The following KCNQ5 variants were observed in gnomAD, a reference collection of about 807,000 sequenced individuals.
KCNQ5 encodes potassium voltage-gated channel subfamily KQT member 5.
A neutral mutation model predicts 98.2 loss-of-function variants in KCNQ5; 30 were observed. The ratio of observed to expected loss-of-function variants is 0.31; its 90% CI spans 0.23 to 0.41. KCNQ5 has a LOEUF of 0.41. KCNQ5 is among the 10% of genes least tolerant of loss of function. KCNQ5 has a pLI of 1.00. For missense variants in KCNQ5, 835 were observed against 1,182.5 expected (o/e 0.71, Z 4.31); for synonymous variants, 458 against 449.4 (o/e 1.02, Z -0.24).
chr6:72,724,882 G>T (rs1425360772), intron 1 of KCNQ5, among the ~76,000 whole-genome samples: 1 of 152,082 alleles, frequency 6.6e-6, no homozygotes, highest in African/African-American at 2.4e-5. Context: ...AAAATATATT[G>T]TTTAACTTAC....
chr6:73,066,472 A>G (rs1773063712), intron 3 of KCNQ5, among the ~76,000 whole-genome samples: 1 of 152,226 alleles, frequency 6.6e-6, no homozygotes. Context: ...TGCTTGGCTT[A>G]TAGTAGACAT....
intron 6 of KCNQ5, among the ~76,000 whole-genome samples, chr6:73,108,136 C>G (rs1412672959): frequency 6.6e-6 from 1 of 152,152 alleles, no homozygotes; most frequent in East Asian, 1.9e-4. Context: ...AGCAGAAGGG[C>G]CATCCTGCAC....
At chr6:73,044,599 A>G (rs1385559916) in intron 3 of KCNQ5, among the ~76,000 whole-genome samples, 1 of 152,192 alleles carries the variant, frequency 6.6e-6, no homozygotes, top group Admixed American at 6.5e-5. Context: ...AAGGAATCAA[A>G]CATCACCTTC....
rs17810318 is a variant in KCNQ5, at chr6:73,194,889, G to A, written c.2274G>A (p.Lys758=). The A allele has an allele frequency of 0.026, 42,723 of 1,614,086 alleles. 676 individuals carry two copies. The highest frequency in any genetic ancestry group is 0.039 in the South Asian group (3,511 of 91,070). The part of the protein sequence containing the change: ...LQIPPPLPAI[K]HLPRPETLHP... ...TCCCACCTCCTCTCCCAGCCATCAA[G>A]CATCTGCCCAGGCCAGAAACTCTGC... Residue 758 remains lysine (K), a synonymous_variant, in exon 14 of 14, where the codon AAG becomes AAA. Transcript: ENST00000370398.
intron 13 of KCNQ5, among the ~76,000 whole-genome samples, chr6:73,193,345 AGGCCGGGTGTGGT>A (rs1765667363): frequency 6.6e-6 from 1 of 151,624 alleles, no homozygotes; most frequent in Non-Finnish European, 1.5e-5. Context: ...AAGTAAAACA[AGGCCGGGTGTGGT>A]GGCTCATGCC....
At chr6:73,094,166 T>C (rs1403925339) in intron 5 of KCNQ5, among the ~76,000 whole-genome samples, 2 of 152,206 alleles carry the variant, frequency 1.3e-5, no homozygotes, top group Non-Finnish European at 2.9e-5. Context: ...ATGCCCTCTT[T>C]GTCTTTTTTA....
intron 1 of KCNQ5, among the ~76,000 whole-genome samples, chr6:72,947,660 GA>G (rs1183999238): frequency 6.6e-6 from 1 of 152,054 alleles, no homozygotes; most frequent in East Asian, 1.9e-4. Flanking sequence ...TCAAAAGGCA[GA>G]AAAAAAGTTG....
At chr6:72,938,355 T>C (rs1766044144) in intron 1 of KCNQ5, among the ~76,000 whole-genome samples, 1 of 152,158 alleles carries the variant, frequency 6.6e-6, no homozygotes, top group Non-Finnish European at 1.5e-5. Flanking sequence ...TCTGTAAATG[T>C]ACTAATATCA....
chr6:72,920,658 T>C (rs1454252550), intron 1 of KCNQ5, among the ~76,000 whole-genome samples: 17 of 152,216 alleles, frequency 1.1e-4, no homozygotes, highest in Non-Finnish European at 2.5e-4. Context: ...ATGTTCTACA[T>C]TTTTGCTCAG....
chr6:72,867,692 CT>C (rs1393179975), intron 1 of KCNQ5, among the ~76,000 whole-genome samples: 1 of 151,912 alleles, frequency 6.6e-6, no homozygotes, highest in Non-Finnish European at 1.5e-5. Context: ...AATCCCAACA[CT>C]TTGGGAGGCT....
chr6:72,944,931 T>C (rs1375410105), intron 1 of KCNQ5, among the ~76,000 whole-genome samples: 7 of 152,212 alleles, frequency 4.6e-5, no homozygotes, highest in Non-Finnish European at 8.8e-5. Flanking sequence ...AGTTCCAAAA[T>C]AGATGCTGAG....
intron 1 of KCNQ5, among the ~76,000 whole-genome samples, chr6:72,997,244 G>A (rs1769346649): frequency 6.6e-6 from 1 of 152,032 alleles, no homozygotes; most frequent in African/African-American, 2.4e-5. Context: ...GAGGTGAGAA[G>A]GCATGCTCCA....
intron 1 of KCNQ5, among the ~76,000 whole-genome samples, chr6:72,681,873 A>G (rs1190645531): frequency 6.6e-6 from 1 of 152,160 alleles, no homozygotes; most frequent in Admixed American, 6.5e-5. Flanking sequence ...TTTTCCCTTG[A>G]GGATTCTCTA....
At chr6:73,142,436 C>A (rs1005496450) in intron 10 of KCNQ5, among the ~76,000 whole-genome samples, 1 of 151,710 alleles carries the variant, frequency 6.6e-6, no homozygotes, top group East Asian at 1.9e-4. Context: ...CTGCCTTTAA[C>A]GACATGGGTT....
intron 1 of KCNQ5, among the ~76,000 whole-genome samples, chr6:72,994,722 A>T (rs1000736543): frequency 6.6e-6 from 1 of 152,232 alleles, no homozygotes; most frequent in African/African-American, 2.4e-5. Context: ...AGGGATTTTT[A>T]AAAATATGAT....
chr6:72,949,585 C>T (rs1217602859), intron 1 of KCNQ5, among the ~76,000 whole-genome samples: 1 of 152,152 alleles, frequency 6.6e-6, no homozygotes, highest in African/African-American at 2.4e-5. Flanking sequence ...GTGAGTATAG[C>T]TTTAAACATT....
At chr6:72,995,622 T>C (rs1769260938) in intron 1 of KCNQ5, among the ~76,000 whole-genome samples, 1 of 152,096 alleles carries the variant, frequency 6.6e-6, no homozygotes, top group African/African-American at 2.4e-5. Flanking sequence ...AGGTACCTGA[T>C]AGGGGTGCTC....
rs2150527757 is a variant in KCNQ5 at position 73,194,686 on chromosome 6, A to C, written c.2071A>C (p.Ile691Leu). 1.2e-6 allele frequency: 2 copies of C among 1,614,270 alleles called. No individual in the cohort carries two copies. The highest frequency in any genetic ancestry group is 1.7e-6 in the Non-Finnish European group (2 of 1,180,044). ...CAACATCTCGAGAGGCCTGCAGTTC[A>C]TTCTGACGCCAAATGAGTTCAGTGC... ...SANISRGLQFILTPNEFSAQT... is the reference protein window; with the variant it reads ...SANISRGLQFLLTPNEFSAQT... The change falls in exon 14 of 14, where the codon ATT becomes CTT. Residue 691 changes from isoleucine to leucine, a missense_variant. By Grantham distance (5) the Ile-to-Leu change is conservative. This residue lies in a region of KCNQ5 where 416 missense variants were observed against 446.9 expected (regional missense o/e 0.93). Coordinates refer to ENST00000370398, the MANE Select transcript of KCNQ5 (RefSeq NM_019842.4).
At chr6:72,764,190 T>G (rs1277357120) in intron 1 of KCNQ5, among the ~76,000 whole-genome samples, 1 of 151,992 alleles carries the variant, frequency 6.6e-6, no homozygotes, top group Non-Finnish European at 1.5e-5. Context: ...ACTCTGTTAG[T>G]TTAATTGTAA....
Sources: allele counts gnomAD v4.1 joint callset (sites outside exome capture counted in the v4.1 genomes callset), GRCh38; gene constraint gnomAD v4.1.1; regional missense constraint gnomAD v4.1.1; transcripts MANE v1.5; gene names NCBI Gene and HGNC (gene_info 2026-07-23, HGNC 2026-07-21).